Variants in DLC1 observed in about 807,000 individuals in gnomAD.
DLC1 encodes the protein rho GTPase-activating protein 7.
Under a neutral mutation model 140.3 loss-of-function variants are expected in DLC1, and 54 were observed. The ratio of observed to expected loss-of-function variants is 0.38; its 90% CI spans 0.31 to 0.48. DLC1 has a LOEUF of 0.48. Ranked by LOEUF, DLC1 falls within the 20% of genes least tolerant of loss-of-function variation. The probability of loss-of-function intolerance (pLI) is 0.96; values close to 1 mark genes in which losing one functional copy is unlikely to be tolerated. For synonymous variants in DLC1, 986 were observed against 728.1 expected (o/e 1.35, Z -5.70); for missense variants, 2,536 against 1,907.0 (o/e 1.33, Z -6.14).
intron 1 of DLC1, among the ~76,000 whole-genome samples, chr8:13,550,495 T>A (rs1803809201): frequency 6.6e-6 from 1 of 152,098 alleles, no homozygotes; most frequent in Non-Finnish European, 1.5e-5. Context: ...ATACAGGCAA[T>A]TCGAATTTTA....
rs979963498 is a variant in DLC1 at position 13,083,693 on chromosome 8, G to A, written c.*2118C>T. 6.6e-6 allele frequency: 1 copy of A among 152,638 alleles called. No individual in the cohort carries two copies. The highest frequency in any genetic ancestry group is 2.1e-4 in the South Asian group (1 of 4,834). The allele number at this position is 152,638 out of a possible 1,614,324, so 9.5% of individuals were successfully genotyped here. A position where few individuals can be genotyped will look rare whatever the true frequency, so the allele number is the denominator to read the frequency against. ...TCCTCTCAGCGTCGTTTCCTAACTG[G>A]ACCTTTGTTGGAGAGAATCTCCGTG... is the stretch of plus-strand genomic sequence containing the variant. On this transcript the variant is annotated 3_prime_UTR_variant, in exon 18 of 18. Transcript: ENST00000276297.
chr8:13,099,904 T>G lies in DLC1; in HGVS notation c.2433A>C (p.Glu811Asp), dbSNP rs929669855. 6.2e-7 allele frequency: 1 copy of G among 1,614,016 alleles called. No homozygotes were observed. The highest frequency in any genetic ancestry group is 8.5e-7 in the Non-Finnish European group (1 of 1,180,040). The change falls in exon 9 of 18, where the codon GAA becomes GAC. Residue 811 changes from glutamate (E) to aspartate (D), a missense_variant. Transcript: ENST00000276297. ...TGGGGAAAGTGCCAGGCTTGTGATC[T>G]TCAGGGATGTAGAACACCGTGTCCT... The part of the protein sequence containing the change: ...YPEDTVFYIP[E>D]DHKPGTFPKA...
At chr8:13,344,447 C>T (rs572763109) in intron 4 of DLC1, among the ~76,000 whole-genome samples, 1 of 152,310 alleles carries the variant, frequency 6.6e-6, no homozygotes, top group East Asian at 1.9e-4. Context: ...GAGCCGAGAT[C>T]ACGCCGTTGC....
chr8:13,225,142 A>G (rs1030958048), intron 5 of DLC1, among the ~76,000 whole-genome samples: 1 of 152,232 alleles, frequency 6.6e-6, no homozygotes, highest in African/African-American at 2.4e-5. Context: ...CATTTTAAAT[A>G]GAAAGCTGAT....
At chr8:13,252,779 C>G (rs1197487780) in intron 5 of DLC1, among the ~76,000 whole-genome samples, 1 of 152,102 alleles carries the variant, frequency 6.6e-6, no homozygotes, top group Non-Finnish European at 1.5e-5. Context: ...AAGAACTGTT[C>G]CATTACACGT....
chr8:13,103,965 T>G (rs1290463041), intron 7 of DLC1, among the ~76,000 whole-genome samples: 1 of 152,128 alleles, frequency 6.6e-6, no homozygotes, highest in African/African-American at 2.4e-5. Context: ...AACAGTGTCT[T>G]GTATTTGAAA....
chr8:13,522,221 T>C (rs891841743), intron 1 of DLC1, among the ~76,000 whole-genome samples: 2 of 152,072 alleles, frequency 1.3e-5, no homozygotes, highest in African/African-American at 2.4e-5. Context: ...AGAAAAGAGC[T>C]TTTACAATGG....
Position 13,305,257 on chromosome 8 carries a change from A to T in DLC1, c.1348+12T>A. The T allele has an allele frequency of 6.2e-7, 1 of 1,609,352 alleles. No individual in the cohort carries two copies. The highest frequency in any genetic ancestry group is 8.5e-7 in the Non-Finnish European group (1 of 1,177,894). ...AGATTGGCGAGAAAACAGAACCAAA[A>T]TGTCAACTTACCAGCCTTTTCCTTC... On this transcript the variant is annotated intron_variant, in intron 5 of 17. Transcript: ENST00000276297.
chr8:13,539,750 A>ATGTG (rs71207162), intron 1 of DLC1, among the ~76,000 whole-genome samples: 12,063 of 147,200 alleles, frequency 0.082, 506 homozygotes, highest in East Asian at 0.17. Flanking sequence ...ATGTGTGTGT[A>ATGTG]TGTGTGTGTG....
At chr8:13,335,851 T>C (rs1216856383) in intron 4 of DLC1, among the ~76,000 whole-genome samples, 1 of 152,184 alleles carries the variant, frequency 6.6e-6, no homozygotes, top group South Asian at 2.1e-4. Context: ...AACTATTATT[T>C]ATTGTACCCA....
intron 1 of DLC1, among the ~76,000 whole-genome samples, chr8:13,573,618 G>T (rs987921090): frequency 1.3e-4 from 20 of 152,146 alleles, no homozygotes; most frequent in African/African-American, 4.8e-4. Flanking sequence ...TGTTGGGAAA[G>T]TTCTCTGTAA....
intron 4 of DLC1, among the ~76,000 whole-genome samples, chr8:13,328,406 T>A (rs1416580453): frequency 6.6e-6 from 1 of 152,108 alleles, no homozygotes; most frequent in African/African-American, 2.4e-5. Flanking sequence ...TGCGGGAGTG[T>A]AGAAGACGTC....
chr8:13,176,072 T>C (rs1825743562), intron 5 of DLC1, among the ~76,000 whole-genome samples: 1 of 152,228 alleles, frequency 6.6e-6, no homozygotes, highest in South Asian at 2.1e-4. Flanking sequence ...ATTACATTTC[T>C]AGGATCATGC....
chr8:13,330,348 A>C (rs1425883642), intron 4 of DLC1, among the ~76,000 whole-genome samples: 2 of 152,226 alleles, frequency 1.3e-5, no homozygotes, highest in Admixed American at 1.3e-4. Flanking sequence ...CAGAGGTGGA[A>C]CGTTAGCAAA....
intron 4 of DLC1, among the ~76,000 whole-genome samples, chr8:13,388,619 A>G (rs892624673): frequency 2.0e-5 from 3 of 152,080 alleles, no homozygotes; most frequent in Non-Finnish European, 2.9e-5. Flanking sequence ...TGAAAATAAC[A>G]TCAAAATAAC....
Position 13,246,675 on chromosome 8 carries a change from G to A in DLC1, c.1348+58594C>T, listed in dbSNP as rs568026875. ...GACAAATGCTTTTTTTTTTTTCTAC[G>A]CGACCACATTCCATCACCTGACACC... On this transcript the variant is annotated intron_variant, in intron 5 of 17. Coordinates refer to ENST00000276297, the MANE Select transcript of DLC1 (RefSeq NM_182643.3). Among the ~76,000 whole-genome samples, 21 of 148,448 alleles carry A rather than the reference G, an allele frequency of 1.4e-4. No homozygotes were observed. The South Asian group carries it at 3.2e-3, about 23-fold the overall frequency.
chr8:13,317,041 G>A (rs1381890212), intron 4 of DLC1, among the ~76,000 whole-genome samples: 1 of 152,112 alleles, frequency 6.6e-6, no homozygotes, highest in Non-Finnish European at 1.5e-5. Context: ...AGTGAAGAAA[G>A]TCTTACAAAT....
chr8:13,240,133 G>A (rs573062757), intron 5 of DLC1, among the ~76,000 whole-genome samples: 2 of 152,066 alleles, frequency 1.3e-5, no homozygotes, highest in African/African-American at 2.4e-5. Context: ...GCGTACTGTG[G>A]AAGTTACACC....
intron 2 of DLC1, among the ~76,000 whole-genome samples, chr8:13,409,498 T>C (rs1837697430): frequency 6.6e-6 from 1 of 152,160 alleles, no homozygotes; most frequent in Non-Finnish European, 1.5e-5. Context: ...TTAGTGGAAG[T>C]AGTTCCAAAT....
Sources: gnomAD v4.1 joint callset for allele counts (sites outside exome capture counted in the v4.1 genomes callset) on GRCh38, gnomAD v4.1.1 for gene constraint, MANE v1.5 for transcripts, NCBI Gene and HGNC (gene_info 2026-07-23, HGNC 2026-07-21) for gene names.